The following ASGR1 variants were observed in gnomAD, a reference collection of about 807,000 sequenced individuals.
The protein encoded by ASGR1 is asialoglycoprotein receptor 1, also known as C-type lectin domain family 4 member H1.
In ASGR1, 35 loss-of-function variants were observed where a neutral mutation model predicts 33.1. The ratio of observed to expected loss-of-function variants is 1.06; its 90% CI spans 0.81 to 1.40. The LOEUF is 1.40. Ranked by LOEUF, ASGR1 falls within the 40% of genes most tolerant of loss-of-function variation. The pLI, the probability that ASGR1 is intolerant of heterozygous loss-of-function variation, is 0.00. For synonymous variants in ASGR1, 142 were observed against 152.5 expected (o/e 0.93, Z 0.51); for missense variants, 396 against 373.7 (o/e 1.06, Z -0.49).
Position 7,173,988 on chromosome 17 carries a change from TC to T in ASGR1, c.673del (p.Asp225ThrfsTer108), listed in dbSNP as rs1230921140. 1 of 1,614,202 alleles carries T rather than the reference TC, an allele frequency of 6.2e-7. No homozygotes were observed. Among genetic ancestry groups the T allele is most frequent in the Admixed American group, 1.7e-5 (1 of 60,034 alleles). ...GAAGCCCGTCTCGTAGTCCGTCCCG[TC>T]CACCCACTTCCAGGGCCCGTTTTGG... ...HDQNGPWKWV[D>X]GTDYETGFKN... On this transcript the variant is annotated frameshift_variant, in exon 8 of 9. Transcript: ENST00000269299. LOFTEE classifies it low-confidence loss of function (END_TRUNC). This position sits in a 1 kb window ranked among gnomAD's most constrained non-coding sequence, Gnocchi z 4.7.
chr17:7,175,021 C>T (rs2069179545), intron 5 of ASGR1, among the ~76,000 whole-genome samples: 1 of 148,848 alleles, frequency 6.7e-6, no homozygotes, highest in African/African-American at 2.5e-5. Flanking sequence ...TACACACTCA[C>T]ACAACACACA....
rs553837958 is a variant in ASGR1 at position 7,173,667 on chromosome 17, G to A, written c.868C>T (p.Leu290Phe). The change falls in exon 9 of 9, where the codon CTC becomes TTC. Residue 290 changes from leucine to phenylalanine, a missense_variant. Physicochemically the swap from Leu to Phe is conservative, Grantham distance 22. Coordinates refer to ENST00000269299, the MANE Select transcript of ASGR1 (RefSeq NM_001671.5). This position sits in a 1 kb window ranked among gnomAD's most constrained non-coding sequence, Gnocchi z 4.7. ...ELDKASQEPP[L>F]L The stretch of plus-strand genomic sequence containing the variant: ...GGCATTGAAGAAATAAATTAAAGGA[G>A]AGGTGGCTCCTGGCTGGCCTTGTCC... 141 of 1,613,428 alleles carry A rather than the reference G, an allele frequency of 8.7e-5. No individual in the cohort carries two copies. The highest frequency in any genetic ancestry group is 1.2e-4 in the Non-Finnish European group (138 of 1,180,034).
intron 5 of ASGR1, among the ~76,000 whole-genome samples, chr17:7,176,196 C>T (rs1448769192): frequency 6.7e-6 from 1 of 148,950 alleles, no homozygotes; most frequent in Non-Finnish European, 1.5e-5. Context: ...CTCACACACA[C>T]CCCATCTCAT....
At chr17:7,177,124 G>C in intron 3 of ASGR1, 48 bp from the exon 4 acceptor site, 1 of 1,612,444 alleles carries the variant, frequency 6.2e-7, no homozygotes, top group Non-Finnish European at 8.5e-7. Flanking sequence ...CGCTGTGTCC[G>C]CCACCACTGC....
intron 1 of ASGR1, 166 bp from the exon 2 acceptor site, chr17:7,178,754 T>G (rs2069245877): frequency 2.0e-6 from 1 of 492,614 alleles, no homozygotes; most frequent in Non-Finnish European, 3.5e-6. Flanking sequence ...TTTTTTTTTT[T>G]TGAGAGGGAG....
intron 5 of ASGR1, among the ~76,000 whole-genome samples, chr17:7,176,380 ACT>A (rs1391705034): frequency 7.0e-6 from 1 of 142,312 alleles, no homozygotes; most frequent in Non-Finnish European, 1.5e-5. Context: ...TCATTCTTAC[ACT>A]CAGACTCACA....
intron 2 of ASGR1, chr17:7,178,219 C>A: frequency 2.0e-6 from 1 of 490,246 alleles, no homozygotes; most frequent in East Asian, 3.3e-5. Flanking sequence ...GTGACCTCAT[C>A]TCTCCAGCTT....
intron 5 of ASGR1, 153 bp downstream of exon 5, chr17:7,176,677 C>T (rs1413380137): frequency 8.8e-7 from 1 of 1,137,172 alleles, no homozygotes; most frequent in Non-Finnish European, 1.2e-6. Context: ...ACCCAAAACA[C>T]ACTCCCCCTC....
At chr17:7,176,542 C>G (rs544108117) in intron 5 of ASGR1, 2 of 540,548 alleles carry the variant, frequency 3.7e-6, no homozygotes, top group African/African-American at 2.0e-5. Flanking sequence ...CACACACCAT[C>G]TCATTCTCAC....
At chr17:7,175,840 CAT>C (rs778697972) in intron 5 of ASGR1, among the ~76,000 whole-genome samples, 5 of 138,926 alleles carry the variant, frequency 3.6e-5, no homozygotes, top group Non-Finnish European at 7.6e-5. Context: ...CACACACACC[CAT>C]CTCATTCTCA....
At position 7,177,201 on chromosome 17, in the gene ASGR1, G is replaced by A. The variant is rs1200015976; in HGVS notation, c.187+9C>T. 7 of 1,612,568 alleles carry A rather than the reference G, an allele frequency of 4.3e-6. No individual in the cohort carries two copies. The highest frequency in any genetic ancestry group is 5.9e-6 in the Non-Finnish European group (7 of 1,179,594). ...AATGTTGCCCCCTTCCCACCCCTGG[G>A]GCACCCACTTTGGGATCCGATCACA... On this transcript the variant is annotated intron_variant, in intron 3 of 8. Coordinates refer to ENST00000269299, the MANE Select transcript of ASGR1 (RefSeq NM_001671.5).
Position 7,174,245 on chromosome 17 carries a change from G to C in ASGR1, c.487C>G (p.Arg163Gly), listed in dbSNP as rs1438538266. 1 of 1,614,188 alleles carries C rather than the reference G, an allele frequency of 6.2e-7. No individual in the cohort carries two copies. The highest frequency in any genetic ancestry group is 2.2e-5 in the East Asian group (1 of 44,892). Residue 163 changes from arginine to glycine, a missense_variant, in exon 7 of 9, where the codon CGC (arginine) becomes GGC (glycine). Coordinates refer to ENST00000269299, the MANE Select transcript of ASGR1 (RefSeq NM_001671.5). ...CCPVNWVEHE[R>G]SCYWFSRSGK... ...GAGCGAGAGAACCAGTAGCAGCTGCGCTCGTGCTCCACCCAGTTGACCGGG... is the reference window on the plus strand; with the variant it reads ...GAGCGAGAGAACCAGTAGCAGCTGCCCTCGTGCTCCACCCAGTTGACCGGG...
intron 5 of ASGR1, among the ~76,000 whole-genome samples, chr17:7,176,250 C>G (rs939387782): frequency 7.0e-6 from 1 of 142,364 alleles, no homozygotes; most frequent in Non-Finnish European, 1.5e-5. Flanking sequence ...CACACACACC[C>G]CATCTCATTC....
Position 7,173,903 on chromosome 17 carries a change from C to T in ASGR1, c.701+58G>A. ...GGCGGGTCGCTCCAGACTCCTCAGC[C>T]CAGGGCCCCAGGGCGCGAAGGCGGC... On this transcript the variant is annotated intron_variant, in intron 8 of 8. Coordinates refer to ENST00000269299, the MANE Select transcript of ASGR1 (RefSeq NM_001671.5). This position sits in a 1 kb window ranked among gnomAD's most constrained non-coding sequence, Gnocchi z 4.7. 2 of 1,611,322 alleles carry T rather than the reference C, an allele frequency of 1.2e-6. No individual in the cohort carries two copies. Among genetic ancestry groups the T allele is most frequent in the South Asian group, 2.2e-5 (2 of 90,956 alleles).
chr17:7,174,053 G>A lies in ASGR1; in HGVS notation c.609C>T (p.His203=). The part of the protein sequence containing the change: ...TSWEEQKFVQ[H]HIGPVNTWMG... ...TCCAGGTGTTCACAGGGCCTATGTG[G>A]TGCTGGACAAATTTCTGAGGAGAGA... is the stretch of plus-strand genomic sequence containing the variant. The change falls in exon 8 of 9, where the codon CAC becomes CAT. Residue 203 remains histidine (H), a synonymous_variant. Transcript: ENST00000269299. The A allele has an allele frequency of 6.2e-7, 1 of 1,614,226 alleles. No homozygotes were observed. The highest frequency in any genetic ancestry group is 1.1e-5 in the South Asian group (1 of 91,090).
rs553639503 is a variant in ASGR1, at chr17:7,178,676, T to C, written c.-25-88A>G. 4.0e-4 allele frequency: 305 copies of C among 754,394 alleles called. 3 individuals are homozygous for C. The South Asian group carries it at 5.3e-3, about 13-fold the overall frequency. The allele number at this position is 754,394 out of a possible 1,614,324, so 46.7% of individuals were successfully genotyped here. A position where few individuals can be genotyped will look rare whatever the true frequency, so the allele number is the denominator to read the frequency against. On this transcript the variant is annotated intron_variant, in intron 1 of 8. Transcript: ENST00000269299. ...GGCCCATCTCTTTACTCCCATCTGA[T>C]TGACGGCTCCATCATGGAGACCTTT...
rs2069182743 is a variant in ASGR1, at chr17:7,175,241, CCCA to C, written c.356-784_356-782del. Reference sequence around the variant, plus strand: ...TACACACCCACTCACACACAAAACACCCACAACATACACCCTCACACACACACA... The same window carrying C: ...TACACACCCACTCACACACAAAACACCAACATACACCCTCACACACACACA... On this transcript the variant is annotated intron_variant, in intron 5 of 8. Coordinates refer to ENST00000269299, the MANE Select transcript of ASGR1 (RefSeq NM_001671.5). Among the ~76,000 whole-genome samples the C allele has an allele frequency of 1.3e-5, 2 of 149,924 alleles. 1 individual carries two copies. The highest frequency in any genetic ancestry group is 4.3e-4 in the South Asian group (2 of 4,704).
chr17:7,178,445 A>G (rs1261404368), intron 2 of ASGR1, 49 bp downstream of exon 2: 1 of 1,576,624 alleles, frequency 6.3e-7, no homozygotes, highest in Non-Finnish European at 8.7e-7. Context: ...TGGGGGGTGG[A>G]GAACCGCCAA....
chr17:7,175,150 C>A (rs977518699), intron 5 of ASGR1, among the ~76,000 whole-genome samples: 2 of 149,646 alleles, frequency 1.3e-5, no homozygotes, highest in East Asian at 4.0e-4. Flanking sequence ...ACAACACACA[C>A]AAAACACACA....
Sources: allele counts gnomAD v4.1 joint callset (sites outside exome capture counted in the v4.1 genomes callset), GRCh38; gene constraint gnomAD v4.1.1; non-coding constraint Gnocchi (gnomAD v3.1); transcripts MANE v1.5; gene names NCBI Gene and HGNC (gene_info 2026-07-23, HGNC 2026-07-21).